Variants in RAPGEF2 observed in about 807,000 individuals in gnomAD.
RAPGEF2 encodes PDZ domain containing guanine nucleotide exchange factor (GEF) 1.
RAPGEF2 carries 54 observed loss-of-function variants against 186.7 expected under a neutral mutation model. The ratio of observed to expected loss-of-function variants is 0.29; its 90% confidence interval spans 0.23 to 0.36. The LOEUF is 0.36. Ranked by LOEUF, RAPGEF2 falls within the 10% of genes least tolerant of loss-of-function variation. The pLI, the probability that RAPGEF2 is intolerant of heterozygous loss-of-function variation, is 1.00. For synonymous variants in RAPGEF2, 712 were observed against 705.9 expected, an observed-to-expected ratio of 1.01 and a Z score of -0.14; for missense variants, 1,532 against 2,045.0, an observed-to-expected ratio of 0.75 and a Z score of 4.84.
chr4:159,186,796 T>C, intron 2 of RAPGEF2, 84 bp downstream of exon 2: 3 of 733,526 alleles, frequency 4.1e-6, no homozygotes, highest in South Asian at 2.0e-5. Flanking sequence ...TTTTTACTTT[T>C]ATTCTTACTT....
intron 8 of RAPGEF2, among the ~76,000 whole-genome samples, chr4:159,308,311 A>G (rs566006076): frequency 2.6e-5 from 4 of 152,342 alleles, no homozygotes; most frequent in African/African-American, 9.6e-5. Context: ...TATATCCATC[A>G]TAAGGAAAAA....
chr4:159,301,748 A>G (rs1431512083), intron 7 of RAPGEF2, among the ~76,000 whole-genome samples: 1 of 152,112 alleles, frequency 6.6e-6, no homozygotes, highest in East Asian at 1.9e-4. Context: ...GGTTCCAACT[A>G]CTCAGGAGGC....
At chr4:159,210,728 T>C (rs943078110) in intron 4 of RAPGEF2, 145 bp downstream of exon 4, 1 of 585,430 alleles carries the variant, frequency 1.7e-6, no homozygotes, top group Non-Finnish European at 2.9e-6. Flanking sequence ...TGCATGAATC[T>C]TTAAGAAATA....
chr4:159,276,722 T>C (rs1317915115), intron 7 of RAPGEF2, among the ~76,000 whole-genome samples: 1 of 152,200 alleles, frequency 6.6e-6, no homozygotes, highest in Non-Finnish European at 1.5e-5. Flanking sequence ...CCAGATTTCT[T>C]TACCGTTCAT....
chr4:159,345,689 A>AG (rs1234010806), intron 24 of RAPGEF2, among the ~76,000 whole-genome samples: 1 of 152,028 alleles, frequency 6.6e-6, no homozygotes, highest in East Asian at 1.9e-4. Flanking sequence ...GGGCAACCTG[A>AG]GGGGAGTCAG....
At chr4:159,126,004 A>G (rs941067681) in intron 1 of RAPGEF2, among the ~76,000 whole-genome samples, 7 of 152,164 alleles carry the variant, frequency 4.6e-5, no homozygotes, top group African/African-American at 1.7e-4. Flanking sequence ...AACTTACTAC[A>G]ATGTGTCTGC....
At chr4:159,123,967 T>C (rs1277899556) in intron 1 of RAPGEF2, among the ~76,000 whole-genome samples, 2 of 152,088 alleles carry the variant, frequency 1.3e-5, no homozygotes, top group Non-Finnish European at 2.9e-5. Context: ...GCAATTCTTA[T>C]GTCCCAGCCT....
chr4:159,180,735 A>C (rs1181194023), intron 1 of RAPGEF2, among the ~76,000 whole-genome samples: 1 of 152,176 alleles, frequency 6.6e-6, no homozygotes, highest in Non-Finnish European at 1.5e-5. Context: ...TACCCCCTAA[A>C]AATCATGATT....
At chr4:159,127,176 G>A (rs774499009) in intron 1 of RAPGEF2, among the ~76,000 whole-genome samples, 7 of 152,078 alleles carry the variant, frequency 4.6e-5, no homozygotes, top group Non-Finnish European at 1.0e-4. Context: ...ACAGGCACAC[G>A]CCACCACACC....
intron 4 of RAPGEF2, among the ~76,000 whole-genome samples, chr4:159,231,823 A>G (rs1380636143): frequency 6.6e-6 from 1 of 152,186 alleles, no homozygotes; most frequent in Non-Finnish European, 1.5e-5. Flanking sequence ...TTCTGATGCT[A>G]AGCATTTTGG....
Position 159,345,190 on chromosome 4 carries a change from C to T in RAPGEF2, c.3363C>T (p.Ser1121=), listed in dbSNP as rs1226622039. 2 of 1,614,138 alleles carry T rather than the reference C, an allele frequency of 1.2e-6. No homozygotes were observed. The highest frequency in any genetic ancestry group is 1.7e-6 in the Non-Finnish European group (2 of 1,180,002). ...ATAAAAAGCGGGTACGTCGTAGTTCCTTTCTCAATGCCAAAAAGCTTTATG... is the reference window on the plus strand; with the variant it reads ...ATAAAAAGCGGGTACGTCGTAGTTCTTTTCTCAATGCCAAAAAGCTTTATG... ...GGHKKRVRRS[S]FLNAKKLYED... Residue 1121 remains serine, a synonymous_variant, in exon 24 of 30, where the codon TCC becomes TCT. Transcript: ENST00000691494.
chr4:159,196,738 GTCT>G (rs1226311163), intron 3 of RAPGEF2, among the ~76,000 whole-genome samples: 4 of 152,180 alleles, frequency 2.6e-5, no homozygotes, highest in Non-Finnish European at 5.9e-5. Flanking sequence ...TTACATTTTG[GTCT>G]TCCAATATTT....
At chr4:159,243,564 A>C (rs948319075) in intron 6 of RAPGEF2, among the ~76,000 whole-genome samples, 2 of 152,064 alleles carry the variant, frequency 1.3e-5, no homozygotes, top group Admixed American at 6.5e-5. Flanking sequence ...TGCATGATCA[A>C]CTTCACAGGT....
chr4:159,118,507 GA>G (rs1273778633), intron 1 of RAPGEF2, among the ~76,000 whole-genome samples: 4 of 150,694 alleles, frequency 2.7e-5, no homozygotes, highest in African/African-American at 7.5e-5. Flanking sequence ...CAACCCTGTG[GA>G]AAAAGGTTGT....
chr4:159,246,065 T>A (rs1376532648), intron 7 of RAPGEF2, among the ~76,000 whole-genome samples: 1 of 152,164 alleles, frequency 6.6e-6, no homozygotes, highest in African/African-American at 2.4e-5. Flanking sequence ...TTATAAAGTT[T>A]CAGTCAGTAC....
intron 8 of RAPGEF2, among the ~76,000 whole-genome samples, chr4:159,309,553 G>C (rs1763708052): frequency 6.6e-6 from 1 of 152,212 alleles, no homozygotes; most frequent in Admixed American, 6.5e-5. Context: ...ACAGAAGGTA[G>C]TAGAGTCTTG....
intron 4 of RAPGEF2, among the ~76,000 whole-genome samples, chr4:159,221,264 C>T (rs955345160): frequency 6.6e-6 from 1 of 152,184 alleles, no homozygotes. Context: ...TACAGGCTTC[C>T]ACCCTTCTTC....
At chr4:159,248,070 TTA>T (rs1248347436) in intron 7 of RAPGEF2, among the ~76,000 whole-genome samples, 1 of 152,146 alleles carries the variant, frequency 6.6e-6, no homozygotes, top group Non-Finnish European at 1.5e-5. Flanking sequence ...CCGAAATAAT[TTA>T]TGTTTCAAAA....
intron 5 of RAPGEF2, 69 bp downstream of exon 5, chr4:159,238,953 C>A: frequency 2.1e-6 from 2 of 947,976 alleles, no homozygotes; most frequent in Non-Finnish European, 2.9e-6. Context: ...TTTTTATAAA[C>A]TGCTTATAAT....
Sources: gnomAD v4.1 joint callset for allele counts (sites outside exome capture counted in the v4.1 genomes callset) on GRCh38, gnomAD v4.1.1 for gene constraint, MANE v1.5 for transcripts, NCBI Gene and HGNC (gene_info 2026-07-23, HGNC 2026-07-21) for gene names.